Variants in METTL21A observed in about 807,000 individuals in gnomAD.
The protein encoded by METTL21A is protein N-lysine methyltransferase METTL21A.
A neutral mutation model predicts 20.9 loss-of-function variants in METTL21A; 22 were observed. The observed-to-expected ratio is 1.05, with a 90% CI of 0.75 to 1.50. The LOEUF is 1.50. Ranked by LOEUF, METTL21A falls within the 40% of genes most tolerant of loss-of-function variation. The pLI is 0.00. For synonymous variants in METTL21A, 93 were observed against 102.0 expected, an observed-to-expected ratio of 0.91 and a Z score of 0.53; for missense variants, 271 against 266.8, an observed-to-expected ratio of 1.02 and a Z score of -0.11.
intron 3 of METTL21A, among the ~76,000 whole-genome samples, chr2:207,603,745 A>G (rs1397948794): frequency 2.0e-5 from 3 of 152,200 alleles, no homozygotes; most frequent in African/African-American, 7.2e-5. Context: ...AAGGACAATA[A>G]GACTATATAC....
At chr2:207,606,307 C>G (rs545601454), downstream of METTL21A, among the ~76,000 whole-genome samples, 2 of 152,110 alleles carry the variant, frequency 1.3e-5, no homozygotes, top group South Asian at 4.1e-4. Context: ...ATGGTGAAAC[C>G]TCATCTCTAC....
At chr2:207,613,800 A>G (rs2089309832) in intron 3 of METTL21A, among the ~76,000 whole-genome samples, 1 of 152,174 alleles carries the variant, frequency 6.6e-6, no homozygotes, top group African/African-American at 2.4e-5. Context: ...CCTGGCCAAC[A>G]TGGCCAACTA....
intron 3 of METTL21A, chr2:207,582,890 CA>C (rs1415517554): frequency 7.7e-5 from 22 of 286,816 alleles, no homozygotes; most frequent in Non-Finnish European, 8.2e-5. Flanking sequence ...GACTCTGTCT[CA>C]AAAAAACAAA....
chr2:207,597,294 C>A, intron 3 of METTL21A: 1 of 420,002 alleles, frequency 2.4e-6, no homozygotes, highest in Non-Finnish European at 4.2e-6. Context: ...CATGAAGAGA[C>A]TTCTGCTTTT....
intron 3 of METTL21A, among the ~76,000 whole-genome samples, chr2:207,617,141 G>A (rs188023777): frequency 1.4e-4 from 22 of 152,334 alleles, no homozygotes; most frequent in African/African-American, 2.2e-4. Flanking sequence ...GTATAAACAT[G>A]TGTCATCAGT....
At chr2:207,589,459 C>T (rs1314961046) in intron 3 of METTL21A, among the ~76,000 whole-genome samples, 4 of 152,154 alleles carry the variant, frequency 2.6e-5, no homozygotes, top group Admixed American at 2.0e-4. Flanking sequence ...ATTTTAAGGT[C>T]AGCTAATTAA....
At position 207,616,442 on chromosome 2, in the gene METTL21A, G is replaced by A. The variant is rs547380903; in HGVS notation, c.260-2999C>T. 1.8e-4 allele frequency among the ~76,000 whole-genome samples: 28 copies of A among 152,330 alleles called. No individual in the cohort carries two copies. In the South Asian group the frequency reaches 5.2e-3, roughly 28 times the overall value. ...TCTTAATGTCAGTTGACCACCCCCT[G>A]TAATTCCACACATATCTGAATGACT... On this transcript the variant is annotated intron_variant, in intron 3 of 3. Coordinates refer to ENST00000406927, the Ensembl canonical transcript of METTL21A.
intron 3 of METTL21A, chr2:207,596,793 A>T: frequency 8.8e-7 from 1 of 1,131,106 alleles, no homozygotes; most frequent in Non-Finnish European, 1.3e-6. Context: ...TCCAATGCTT[A>T]ATATATACTA....
chr2:207,617,530 T>C (rs948632113), intron 3 of METTL21A, among the ~76,000 whole-genome samples: 4 of 152,156 alleles, frequency 2.6e-5, no homozygotes, highest in Non-Finnish European at 4.4e-5. Context: ...TGCACTCCAA[T>C]CTTGCTGAGA....
Position 207,582,860 on chromosome 2 carries a change from C to T in METTL21A, c.260-700G>A, listed in dbSNP as rs968401821. 1.2e-4 allele frequency: 40 copies of T among 325,814 alleles called. 1 individual carries two copies. The highest frequency in any genetic ancestry group is 8.6e-4 in the African/African-American group (38 of 44,164). The allele number at this position is 325,814 out of a possible 1,614,324, so 20.2% of individuals were successfully genotyped here. A position where few individuals can be genotyped will look rare whatever the true frequency, so the allele number is the denominator to read the frequency against. ...GTGAGCTGAGATGGCACTACTACTC[C>T]AGCCTGAGTGACAGAGTGAGACTCT... On this transcript the variant is annotated intron_variant, in intron 3 of 3. Transcript: ENST00000425132.
chr2:207,601,604 A>T (rs1180272614), intron 3 of METTL21A: 9 of 207,556 alleles, frequency 4.3e-5, no homozygotes, highest in African/African-American at 2.0e-4. Context: ...TTAATACTGT[A>T]CATAGTATGC....
At chr2:207,608,045 C>T (rs754693054), downstream of METTL21A, among the ~76,000 whole-genome samples, 1 of 152,020 alleles carries the variant, frequency 6.6e-6, no homozygotes, top group Non-Finnish European at 1.5e-5. Flanking sequence ...GCTGATGGCT[C>T]CCAACTGACT....
chr2:207,602,483 AC>A, intron 3 of METTL21A: 1 of 203,898 alleles, frequency 4.9e-6, no homozygotes, highest in Non-Finnish European at 1.0e-5. Flanking sequence ...ATTTGACCTA[AC>A]ATTACTTGCC....
chr2:207,581,689 C>T, downstream of METTL21A: 10 of 537,866 alleles, frequency 1.9e-5, no homozygotes, highest in South Asian at 2.5e-4. Context: ...TTTCTCTAAT[C>T]TTAGTATATT....
intron 3 of METTL21A, among the ~76,000 whole-genome samples, chr2:207,588,476 T>C (rs1442635668): frequency 6.6e-6 from 1 of 152,196 alleles, no homozygotes; most frequent in Non-Finnish European, 1.5e-5. Context: ...CCTCCAACTT[T>C]GTTCTTAAAA....
chr2:207,621,977 G>A, intron 2 of METTL21A, 60 bp from the exon 3 acceptor site: 1 of 1,467,992 alleles, frequency 6.8e-7, no homozygotes, highest in South Asian at 1.1e-5. Context: ...TAGCTGCAGG[G>A]TTTCAGGTCA....
chr2:207,588,919 T>C (rs2084436897), intron 3 of METTL21A, among the ~76,000 whole-genome samples: 1 of 152,072 alleles, frequency 6.6e-6, no homozygotes, highest in South Asian at 2.1e-4. Flanking sequence ...TGGGATTCTC[T>C]ACACAAATTA....
In METTL21A at chr2:207,592,960, G is replaced by A. The variant is rs527331165; in HGVS notation, c.260-10800C>T. 1.3e-4 allele frequency among the ~76,000 whole-genome samples: 18 copies of A among 139,538 alleles called. No homozygotes were observed. The South Asian group carries it at 2.2e-3, about 17-fold the overall frequency. The allele number at this position is 139,538 out of a possible 152,430, so 91.5% of individuals were successfully genotyped here. ...ATATACTTTCTTCAAATATTTTTCC[G>A]TCCTGTCCTCCCTCTTCTTCTGAGA... On this transcript the variant is annotated intron_variant, in intron 3 of 3. Coordinates refer to the METTL21A transcript ENST00000425132.
At chr2:207,588,727 GGT>G (rs1491177718) in intron 3 of METTL21A, among the ~76,000 whole-genome samples, 10 of 27,112 alleles carry the variant, frequency 3.7e-4, no homozygotes, top group East Asian at 3.3e-3. Context: ...ACTGTTTTCT[GGT>G]TTTTTTTTTT....
Sources: allele counts gnomAD v4.1 joint callset (sites outside exome capture counted in the v4.1 genomes callset), GRCh38; gene constraint gnomAD v4.1.1; transcripts MANE v1.5; gene names NCBI Gene and HGNC (gene_info 2026-07-23, HGNC 2026-07-21).